Variants in AFF2 observed in about 807,000 individuals in gnomAD.
AFF2 encodes ALF transcription elongation factor 2, also known as AF4/FMR2 family member 2.
In AFF2, 14 loss-of-function variants were observed where a neutral mutation model predicts 76.9. The ratio of observed to expected loss-of-function variants is 0.18; its 90% confidence interval spans 0.12 to 0.28. AFF2 has a LOEUF of 0.28. Ranked by LOEUF, AFF2 falls within the 10% of genes least tolerant of loss-of-function variation. The pLI, the probability that AFF2 is intolerant of heterozygous loss-of-function variation, is 1.00. For synonymous variants in AFF2, 398 were observed against 366.7 expected, an observed-to-expected ratio of 1.09 and a Z score of -0.98; for missense variants, 868 against 1,001.1, an observed-to-expected ratio of 0.87 and a Z score of 1.79.
intron 9 of AFF2, among the ~76,000 whole-genome samples, chrX:148,923,048 T>C (rs1373869933): frequency 1.8e-5 from 2 of 111,768 alleles, no homozygotes; most frequent in African/African-American, 3.2e-5. Flanking sequence ...CTCTGCCAGA[T>C]TTAACTGACA....
intron 3 of AFF2, among the ~76,000 whole-genome samples, chrX:148,717,107 A>G (rs1292374722): frequency 7.1e-5 from 8 of 112,052 alleles, no homozygotes; most frequent in African/African-American, 2.3e-4. Context: ...GAAAAATGGC[A>G]CGCAGATGTT....
At chrX:148,568,750 T>G (rs1174579200) in intron 1 of AFF2, among the ~76,000 whole-genome samples, 1 of 112,002 alleles carries the variant, frequency 8.9e-6, no homozygotes, top group African/African-American at 3.2e-5. Context: ...AAATATACAC[T>G]CTTGATCAAC....
intron 9 of AFF2, among the ~76,000 whole-genome samples, chrX:148,944,621 T>A (rs1268348688): frequency 1.8e-5 from 2 of 111,885 alleles, no homozygotes; most frequent in Non-Finnish European, 3.8e-5. Context: ...AAAGTCAGTG[T>A]GATTTTTTAA....
Position 148,999,302 on chromosome X carries a change from C to T in AFF2, c.*7970C>T, listed in dbSNP as rs2072647221. The T allele has an allele frequency of 9.0e-6, 1 of 111,360 alleles. No individual in the cohort carries two copies. Among genetic ancestry groups the T allele is most frequent in the Admixed American group, 9.5e-5 (1 of 10,472 alleles). 9.2% of individuals were successfully genotyped at this position (111,360 alleles called of 1,213,427 possible). Reference sequence around the variant, plus strand: ...AAGTATTTCCTAACATTCCCATTAGCCTGTATATAAGAATCAGAAAGATAA... The same window carrying T: ...AAGTATTTCCTAACATTCCCATTAGTCTGTATATAAGAATCAGAAAGATAA... On this transcript the variant is annotated 3_prime_UTR_variant, in exon 21 of 21. Transcript: ENST00000370460.
rs192963318 is a variant in AFF2, at chrX:148,912,124, A to G, written c.1397+7866A>G. On this transcript the variant is annotated intron_variant, in intron 9 of 20. Transcript: ENST00000370460. The stretch of plus-strand genomic sequence containing the variant: ...AGCTGGAGGCCATTATCCTAAGCAA[A>G]GTAATGCAGGAACAGAAAACCAAAT... Among the ~76,000 whole-genome samples, 84 of 112,809 alleles carry G rather than the reference A, an allele frequency of 7.4e-4. 3 individuals carry two copies. Among genetic ancestry groups the G allele is most frequent in the Admixed American group, 7.0e-3 (75 of 10,717 alleles).
At chrX:148,861,474 C>A (rs927115752) in intron 7 of AFF2, among the ~76,000 whole-genome samples, 3 of 111,418 alleles carry the variant, frequency 2.7e-5, no homozygotes, top group Admixed American at 1.9e-4. Context: ...TGGGAAACAG[C>A]GGGTTAAAAA....
rs989092732 is a variant in AFF2 at position 148,835,368 on chromosome X, T to G, written c.1087-2279T>G. Reference sequence around the variant, plus strand: ...TATTTTATTTATTTTGAGAAAAAAATTATTTTAATTGACAAAAATTGTACA... The same window carrying G: ...TATTTTATTTATTTTGAGAAAAAAAGTATTTTAATTGACAAAAATTGTACA... On this transcript the variant is annotated intron_variant, in intron 4 of 20. Coordinates refer to ENST00000370460, the MANE Select transcript of AFF2 (RefSeq NM_002025.4). Among the ~76,000 whole-genome samples the G allele has an allele frequency of 9.0e-5, 10 of 111,562 alleles. No homozygotes were observed. In the Admixed American group the frequency reaches 9.6e-4, roughly 11 times the overall value.
intron 1 of AFF2, among the ~76,000 whole-genome samples, chrX:148,614,746 C>T (rs200653318): frequency 0.016 from 600 of 38,195 alleles, 5 homozygotes; most frequent in Non-Finnish European, 0.02. Context: ...TCTTTTCTTT[C>T]TTTCTTTCTT....
intron 5 of AFF2, among the ~76,000 whole-genome samples, chrX:148,840,187 A>C (rs782052425): frequency 9.0e-6 from 1 of 111,506 alleles, no homozygotes; most frequent in African/African-American, 3.3e-5. Flanking sequence ...TCCTGGAGGT[A>C]AACATCCTCT....
At chrX:148,968,153 T>A (rs1463831496) in intron 15 of AFF2, among the ~76,000 whole-genome samples, 3 of 111,135 alleles carry the variant, frequency 2.7e-5, no homozygotes, top group African/African-American at 9.8e-5. Context: ...TTTGATGACA[T>A]GTTTTCAGAG....
At chrX:148,628,516 C>A (rs1557252437) in intron 1 of AFF2, among the ~76,000 whole-genome samples, 1 of 106,088 alleles carries the variant, frequency 9.4e-6, no homozygotes, top group Non-Finnish European at 1.9e-5. Flanking sequence ...TGGGTTACTT[C>A]TTGTGTTGAA....
intron 7 of AFF2, among the ~76,000 whole-genome samples, chrX:148,868,284 C>G: frequency 8.9e-6 from 1 of 111,756 alleles, no homozygotes. Flanking sequence ...TCTTCTTCCC[C>G]CAAGGCCACA....
At chrX:148,628,938 C>G (rs1320309166) in intron 1 of AFF2, among the ~76,000 whole-genome samples, 1 of 111,805 alleles carries the variant, frequency 8.9e-6, no homozygotes, top group African/African-American at 3.3e-5. Context: ...AGCATTTGCT[C>G]TATAAGTAAA....
At chrX:148,694,012 C>T (rs2054683884) in intron 3 of AFF2, among the ~76,000 whole-genome samples, 1 of 110,643 alleles carries the variant, frequency 9.0e-6, no homozygotes, top group Admixed American at 9.6e-5. Context: ...AGTTCATGTC[C>T]TTTGTAGGGA....
At chrX:148,589,350 A>G (rs146591271) in intron 1 of AFF2, among the ~76,000 whole-genome samples, 3,697 of 111,639 alleles carry the variant, frequency 0.033, 169 homozygotes, top group African/African-American at 0.12. Flanking sequence ...TGGAATATGA[A>G]TCTTGAACTT....
At chrX:148,873,562 G>A (rs1178201034) in intron 7 of AFF2, among the ~76,000 whole-genome samples, 1 of 107,733 alleles carries the variant, frequency 9.3e-6, no homozygotes, top group Non-Finnish European at 1.9e-5. Flanking sequence ...CATTCTGTGT[G>A]TTTTCTTCTT....
At chrX:148,737,952 ATC>A (rs1286361160) in intron 3 of AFF2, among the ~76,000 whole-genome samples, 1 of 111,670 alleles carries the variant, frequency 9.0e-6, no homozygotes, top group Admixed American at 9.5e-5. Flanking sequence ...CCATCCCTGC[ATC>A]TGTGGTGTGA....
intron 3 of AFF2, among the ~76,000 whole-genome samples, chrX:148,775,463 G>A (rs1198748328): frequency 6.2e-5 from 7 of 112,080 alleles, no homozygotes; most frequent in African/African-American, 1.9e-4. Flanking sequence ...GTGAAGCAAA[G>A]TGAGGACCAA....
At chrX:148,766,194 AT>A (rs1474024860) in intron 3 of AFF2, among the ~76,000 whole-genome samples, 2 of 110,241 alleles carry the variant, frequency 1.8e-5, no homozygotes, top group Non-Finnish European at 3.8e-5. Context: ...TAGCAGCATG[AT>A]TTATAGTCCT....
Sources: allele counts gnomAD v4.1 joint callset (sites outside exome capture counted in the v4.1 genomes callset), GRCh38; gene constraint gnomAD v4.1.1; transcripts MANE v1.5; gene names NCBI Gene and HGNC (gene_info 2026-07-23, HGNC 2026-07-21).